The following GALNTL6 variants were observed in gnomAD, a reference collection of about 807,000 sequenced individuals.
The protein encoded by GALNTL6 is polypeptide N-acetylgalactosaminyltransferase-like 6.
Under a neutral mutation model 73.7 loss-of-function variants are expected in GALNTL6, and 46 were observed. The ratio of observed to expected loss-of-function variants is 0.62; its 90% CI spans 0.49 to 0.80. The LOEUF is 0.80. Ranked by LOEUF, GALNTL6 falls within the 30% of genes least tolerant of loss-of-function variation. GALNTL6 has a pLI of 0.00. For missense variants in GALNTL6, 604 were observed against 755.0 expected, an observed-to-expected ratio of 0.80 and a Z score of 2.34; for synonymous variants, 259 against 263.7, an observed-to-expected ratio of 0.98 and a Z score of 0.17.
intron 5 of GALNTL6, among the ~76,000 whole-genome samples, chr4:172,364,717 G>A (rs530892951): frequency 6.6e-6 from 1 of 152,298 alleles, no homozygotes; most frequent in South Asian, 2.1e-4. Context: ...CAAAGAGTGT[G>A]TAGAGGAATC....
At chr4:173,010,519 G>A (rs1423759702) in intron 11 of GALNTL6, among the ~76,000 whole-genome samples, 1 of 152,044 alleles carries the variant, frequency 6.6e-6, no homozygotes, top group East Asian at 1.9e-4. Context: ...TTTCTTTTGG[G>A]TATACACCCA....
rs560702557 is a variant in GALNTL6 at position 172,532,371 on chromosome 4, A to G, written c.553+183682A>G. On this transcript the variant is annotated intron_variant, in intron 5 of 12. Transcript: ENST00000506823. ...AAGGATTGCCAGCAACAGCAGAAGC[A>G]AAGAAAAAGGCATGGAATAGATTTT... 2.0e-5 allele frequency among the ~76,000 whole-genome samples: 3 copies of G among 152,330 alleles called. No homozygotes were observed. In the East Asian group the frequency reaches 5.8e-4, roughly 29 times the overall value.
At chr4:172,023,221 T>C (rs1741456264) in intron 2 of GALNTL6, among the ~76,000 whole-genome samples, 2 of 151,884 alleles carry the variant, frequency 1.3e-5, no homozygotes, top group African/African-American at 4.8e-5. Context: ...CCTGACCAAA[T>C]AACCATGCCT....
At chr4:172,919,590 G>A (rs1238896045) in intron 8 of GALNTL6, among the ~76,000 whole-genome samples, 1 of 152,182 alleles carries the variant, frequency 6.6e-6, no homozygotes, top group African/African-American at 2.4e-5. Context: ...GGAAGGTTCT[G>A]TTCCACTACA....
chr4:172,451,971 G>A (rs187951774), intron 5 of GALNTL6, among the ~76,000 whole-genome samples: 19 of 152,198 alleles, frequency 1.2e-4, no homozygotes, highest in African/African-American at 3.9e-4. Flanking sequence ...TGATTGTACC[G>A]CTGCACTCCA....
chr4:172,599,930 A>C (rs1560829013), intron 5 of GALNTL6, among the ~76,000 whole-genome samples: 1 of 152,140 alleles, frequency 6.6e-6, no homozygotes, highest in African/African-American at 2.4e-5. Context: ...CAAAAAAGAC[A>C]ATCTCTTCTT....
At chr4:173,003,968 T>C (rs566577201) in intron 10 of GALNTL6, among the ~76,000 whole-genome samples, 1 of 152,306 alleles carries the variant, frequency 6.6e-6, no homozygotes, top group East Asian at 1.9e-4. Context: ...AGCCAGTTTT[T>C]CTTAGTCTTT....
chr4:171,978,955 A>T (rs183661458), intron 2 of GALNTL6, among the ~76,000 whole-genome samples: 138 of 152,294 alleles, frequency 9.1e-4, no homozygotes, highest in African/African-American at 3.0e-3. Flanking sequence ...ATTTTTAATC[A>T]ACACTTAGGG....
chr4:172,807,808 ATTTG>A (rs1217810999), intron 5 of GALNTL6, among the ~76,000 whole-genome samples: 5 of 152,004 alleles, frequency 3.3e-5, no homozygotes, highest in African/African-American at 1.2e-4. Context: ...TCCCATCTGT[ATTTG>A]TTTGTTTGTT....
At chr4:172,705,938 C>T (rs6821734) in intron 5 of GALNTL6, among the ~76,000 whole-genome samples, 2 of 151,774 alleles carry the variant, frequency 1.3e-5, no homozygotes, top group Non-Finnish European at 2.9e-5. Context: ...TTATTATATG[C>T]CTTGGGGTAG....
chr4:171,904,720 A>T (rs1737218342), intron 2 of GALNTL6, among the ~76,000 whole-genome samples: 1 of 152,208 alleles, frequency 6.6e-6, no homozygotes, highest in African/African-American at 2.4e-5. Flanking sequence ...AAATGAAGGA[A>T]AAAATGTTAA....
intron 4 of GALNTL6, among the ~76,000 whole-genome samples, chr4:172,327,901 GAT>G (rs1740996968): frequency 6.6e-6 from 1 of 151,922 alleles, no homozygotes; most frequent in African/African-American, 2.4e-5. Flanking sequence ...GGTTAATATT[GAT>G]ATGTGTCGAT....
At chr4:172,240,718 G>T (rs1395355113) in intron 3 of GALNTL6, among the ~76,000 whole-genome samples, 1 of 152,042 alleles carries the variant, frequency 6.6e-6, no homozygotes, top group African/African-American at 2.4e-5. Context: ...TCCTTAAATG[G>T]CAGTTTTGTC....
intron 12 of GALNTL6, among the ~76,000 whole-genome samples, chr4:173,037,062 C>T (rs1434329183): frequency 1.3e-5 from 2 of 152,152 alleles, no homozygotes; most frequent in African/African-American, 2.4e-5. Flanking sequence ...TAGCTTAGCC[C>T]CAAGGTCAAA....
intron 6 of GALNTL6, among the ~76,000 whole-genome samples, chr4:172,811,156 A>T (rs905477421): frequency 6.6e-6 from 1 of 152,156 alleles, no homozygotes; most frequent in Non-Finnish European, 1.5e-5. Flanking sequence ...AGAGCCACAC[A>T]GTTTCTTGGC....
intron 2 of GALNTL6, among the ~76,000 whole-genome samples, chr4:172,093,284 C>A (rs151079046): frequency 0.013 from 1,967 of 152,186 alleles, 19 homozygotes; most frequent in Middle Eastern, 0.054. Context: ...TTTTTTAATT[C>A]TTTTTCCCCC....
At chr4:171,999,556 G>T (rs1018038412) in intron 2 of GALNTL6, among the ~76,000 whole-genome samples, 1 of 152,104 alleles carries the variant, frequency 6.6e-6, no homozygotes, top group East Asian at 1.9e-4. Flanking sequence ...TGTGTGAAGT[G>T]TTGCATTTTA....
chr4:171,814,309 G>A, intron 1 of GALNTL6, 103 bp from the exon 2 acceptor site: 1 of 513,328 alleles, frequency 1.9e-6, no homozygotes, highest in Non-Finnish European at 3.4e-6. Flanking sequence ...GGAGGTCAAT[G>A]GGCTTAATGA....
At chr4:172,262,373 A>C (rs1738286982) in intron 3 of GALNTL6, among the ~76,000 whole-genome samples, 1 of 151,432 alleles carries the variant, frequency 6.6e-6, no homozygotes, top group South Asian at 2.1e-4. Flanking sequence ...TTTTATCATT[A>C]TATAATTTCC....
Sources: allele counts gnomAD v4.1 joint callset (sites outside exome capture counted in the v4.1 genomes callset), GRCh38; gene constraint gnomAD v4.1.1; transcripts MANE v1.5; gene names NCBI Gene and HGNC (gene_info 2026-07-23, HGNC 2026-07-21).